The following PCED1B variants were observed in gnomAD, a reference collection of about 807,000 sequenced individuals.
PCED1B encodes PC-esterase domain containing 1B, also known as PC-esterase domain-containing protein 1B.
For synonymous variants in PCED1B, 251 were observed against 246.1 expected, an observed-to-expected ratio of 1.02 and a Z score of -0.19; for missense variants, 573 against 573.9, an observed-to-expected ratio of 1.00 and a Z score of 0.02.
intron 2 of PCED1B, among the ~76,000 whole-genome samples, chr12:47,184,037 C>T (rs957730688): frequency 2.0e-5 from 3 of 152,104 alleles, no homozygotes; most frequent in African/African-American, 7.2e-5. Flanking sequence ...TTTTCTTTTT[C>T]TTCTTTTCTT....
intron 1 of PCED1B, among the ~76,000 whole-genome samples, chr12:47,098,977 A>G (rs1028154291): frequency 6.6e-6 from 1 of 152,144 alleles, no homozygotes; most frequent in Non-Finnish European, 1.5e-5. Context: ...TAATCTTTAC[A>G]GTTAACTCCT....
chr12:47,125,379 C>T (rs1228675993), intron 2 of PCED1B, among the ~76,000 whole-genome samples: 1 of 151,970 alleles, frequency 6.6e-6, no homozygotes, highest in African/African-American at 2.4e-5. Context: ...ATTTATTTGC[C>T]TATCTGATGG....
chr12:47,123,204 T>C (rs1444871209), intron 2 of PCED1B, among the ~76,000 whole-genome samples: 1 of 152,196 alleles, frequency 6.6e-6, no homozygotes, highest in Non-Finnish European at 1.5e-5. Flanking sequence ...CGCATTCAGT[T>C]ACAGCTAGTG....
intron 1 of PCED1B, among the ~76,000 whole-genome samples, chr12:47,097,455 G>A (rs1004641089): frequency 4.6e-5 from 7 of 152,160 alleles, no homozygotes; most frequent in African/African-American, 1.7e-4. Context: ...AGGGAAGGCA[G>A]GGCTGATAAT....
chr12:47,235,585 G>T lies in PCED1B; in HGVS notation c.522G>T (p.Gly174=), dbSNP rs2244818. 263,228 of 1,608,258 alleles carry T rather than the reference G, an allele frequency of 0.16. 22,054 individuals are homozygous for T. The highest frequency in any genetic ancestry group is 0.22 in the Middle Eastern group (1,357 of 6,038). The part of the protein sequence containing the change: ...TAMPVGEEVT[G]GFLPPKLRRQ... ...TGCCTGTGGGCGAGGAAGTCACCGG[G>T]GGTTTTCTTCCGCCCAAGCTCCGGC... The change falls in exon 4 of 4, where the codon GGG becomes GGT. Residue 174 remains glycine (G), a synonymous_variant. Coordinates refer to ENST00000546455, the MANE Select transcript of PCED1B (RefSeq NM_138371.3).
chr12:47,217,702 A>G (rs970712960), intron 3 of PCED1B, among the ~76,000 whole-genome samples: 15 of 151,920 alleles, frequency 9.9e-5, no homozygotes, highest in Non-Finnish European at 4.4e-5. Flanking sequence ...TCAGCCTCCC[A>G]AGTAGCTGGG....
chr12:47,186,473 G>A (rs184978885), intron 2 of PCED1B, among the ~76,000 whole-genome samples: 4 of 149,448 alleles, frequency 2.7e-5, no homozygotes, highest in Admixed American at 1.3e-4. Flanking sequence ...TTACTGGTAG[G>A]GGGGTAGAGG....
Position 47,087,862 on chromosome 12 carries a change from C to T in PCED1B, c.-609+8137C>T, listed in dbSNP as rs547963598. The stretch of plus-strand genomic sequence containing the variant: ...TATTGGTCATCTTATCTGTGGCACT[C>T]GCAATAAAGAATTATAAGCAAGGAA... On this transcript the variant is annotated intron_variant, in intron 1 of 3. Transcript: ENST00000546455. Among the ~76,000 whole-genome samples, 7 of 152,230 alleles carry T rather than the reference C, an allele frequency of 4.6e-5. 1 individual carries two copies. Among genetic ancestry groups the T allele is most frequent in the East Asian group, 3.9e-4 (2 of 5,182 alleles).
At chr12:47,099,670 A>G (rs1211230671) in intron 1 of PCED1B, among the ~76,000 whole-genome samples, 1 of 152,248 alleles carries the variant, frequency 6.6e-6, no homozygotes, top group East Asian at 1.9e-4. Flanking sequence ...TACTTCTGTG[A>G]GATCTCCTAA....
rs74083852 is a variant in PCED1B at position 47,116,201 on chromosome 12, A to C, written c.-526+12006A>C. ...ATTGGAAGGCAAATACAAAATTCAT[A>C]TAAATATTTGCAGACACACCCTGAG... On this transcript the variant is annotated intron_variant, in intron 2 of 3. Coordinates refer to ENST00000546455, the MANE Select transcript of PCED1B (RefSeq NM_138371.3). 5.5e-3 allele frequency among the ~76,000 whole-genome samples: 833 copies of C among 152,330 alleles called. 7 individuals carry two copies. Among genetic ancestry groups the C allele is most frequent in the African/African-American group, 0.019 (790 of 41,570 alleles).
chr12:47,230,868 A>T (rs1045027649), intron 3 of PCED1B, among the ~76,000 whole-genome samples: 1 of 152,240 alleles, frequency 6.6e-6, no homozygotes, highest in African/African-American at 2.4e-5. Context: ...AACTTTTAAT[A>T]ATAATAACTA....
chr12:47,230,086 CTTTTT>C (rs368243759), intron 3 of PCED1B, among the ~76,000 whole-genome samples: 1 of 114,862 alleles, frequency 8.7e-6, no homozygotes, highest in South Asian at 2.8e-4. Context: ...TAATCATTTT[CTTTTT>C]TTTTTTTTTT....
chr12:47,132,249 A>C (rs1353864275), intron 2 of PCED1B, among the ~76,000 whole-genome samples: 1 of 152,162 alleles, frequency 6.6e-6, no homozygotes, highest in African/African-American at 2.4e-5. Context: ...TGATTTACTG[A>C]AGTGGGTGTA....
At chr12:47,139,528 A>C (rs954791738) in intron 2 of PCED1B, among the ~76,000 whole-genome samples, 10 of 152,212 alleles carry the variant, frequency 6.6e-5, no homozygotes, top group Non-Finnish European at 1.0e-4. Context: ...GCAAAGAGGA[A>C]GGCGTAGCTC....
chr12:47,161,660 TG>T (rs1941383336), intron 2 of PCED1B, among the ~76,000 whole-genome samples: 1 of 152,200 alleles, frequency 6.6e-6, no homozygotes, highest in South Asian at 2.1e-4. Context: ...TTTACACCAT[TG>T]GTGGGACTAT....
chr12:47,116,675 G>A (rs967632831), intron 2 of PCED1B, among the ~76,000 whole-genome samples: 2 of 152,132 alleles, frequency 1.3e-5, no homozygotes, highest in African/African-American at 4.8e-5. Flanking sequence ...TATTGAAAAT[G>A]TCAAAGTTGT....
intron 3 of PCED1B, among the ~76,000 whole-genome samples, chr12:47,230,094 T>G (rs147066574): frequency 0.017 from 2,488 of 147,668 alleles, 43 homozygotes; most frequent in South Asian, 0.029. Flanking sequence ...TTCTTTTTTT[T>G]TTTTTTTTTG....
chr12:47,223,279 A>G (rs182088658), intron 3 of PCED1B, among the ~76,000 whole-genome samples: 42 of 152,244 alleles, frequency 2.8e-4, no homozygotes, highest in African/African-American at 9.6e-4. Context: ...CTCATACTGT[A>G]AGAACCAAAA....
At chr12:47,189,038 C>T (rs796463556) in intron 2 of PCED1B, among the ~76,000 whole-genome samples, 7 of 152,148 alleles carry the variant, frequency 4.6e-5, no homozygotes, top group African/African-American at 1.2e-4. Flanking sequence ...CCACTTATCT[C>T]GAGATTTCCT....
Sources: allele counts gnomAD v4.1 joint callset (sites outside exome capture counted in the v4.1 genomes callset), GRCh38; gene constraint gnomAD v4.1.1; transcripts MANE v1.5; gene names NCBI Gene and HGNC (gene_info 2026-07-23, HGNC 2026-07-21).